DARS2: variants seen among roughly 807,000 people sequenced by gnomAD.
DARS2 encodes the protein aspartyl-tRNA synthetase 2, mitochondrial.
A neutral mutation model predicts 83.0 loss-of-function variants in DARS2; 63 were observed. That is an observed-to-expected ratio of 0.76 (90% CI 0.62 to 0.94). The LOEUF (loss-of-function observed/expected upper bound fraction) is 0.94, where lower values mean the gene tolerates loss of function less well. DARS2 is among the 40% of genes least tolerant of loss of function. The pLI, the probability that DARS2 is intolerant of heterozygous loss-of-function variation, is 0.00. For synonymous variants in DARS2, 250 were observed against 269.3 expected (o/e 0.93, Z 0.70); for missense variants, 675 against 774.4 (o/e 0.87, Z 1.52).
In DARS2 at chr1:173,857,991, G is replaced by C; in HGVS notation, c.*286G>C. 1 of 412,322 alleles carries C rather than the reference G, an allele frequency of 2.4e-6. No individual in the cohort carries two copies. The highest frequency in any genetic ancestry group is 2.2e-5 in the South Asian group (1 of 45,452). 25.5% of individuals were successfully genotyped at this position (412,322 alleles called of 1,614,324 possible). Reference sequence around the variant, plus strand: ...TGTTGAAATAATATAGTGGTTTAGTGTTTTCAAATCATGTTTCTCATACCC... The same window carrying C: ...TGTTGAAATAATATAGTGGTTTAGTCTTTTCAAATCATGTTTCTCATACCC... On this transcript the variant is annotated 3_prime_UTR_variant, in exon 17 of 17. Coordinates refer to ENST00000649689, the MANE Select transcript of DARS2 (RefSeq NM_018122.5).
chr1:173,852,286 T>G (rs1335008340), intron 13 of DARS2: 10 of 980,540 alleles, frequency 1.0e-5, no homozygotes, highest in African/African-American at 1.8e-5. Context: ...AAGCACTTAG[T>G]ATTTGCCAAG....
In DARS2 at chr1:173,842,317, T is replaced by TTTTTTTTG. The variant is rs1304745729; in HGVS notation, c.1128+1344_1128+1345insTTTTTTTG. On this transcript the variant is annotated intron_variant, in intron 11 of 16. Transcript: ENST00000649689. ...TTTTTTTTTTTTTTTTTTTTTTTTT[T>TTTTTTTTG]AGAGTGAGTCTTGCTCTGTCGCCCA... is the stretch of plus-strand genomic sequence containing the variant. Among the ~76,000 whole-genome samples, 168 of 116,618 alleles carry TTTTTTTTG rather than the reference T, an allele frequency of 1.4e-3. 20 individuals carry two copies. Among genetic ancestry groups the TTTTTTTTG allele is most frequent in the African/African-American group, 6.5e-3 (153 of 23,530 alleles). The allele number at this position is 116,618 out of a possible 152,430, so 76.5% of individuals were successfully genotyped here. A position where few individuals can be genotyped will look rare whatever the true frequency, so the allele number is the denominator to read the frequency against.
At chr1:173,830,814 A>T in intron 4 of DARS2, 53 bp downstream of exon 4, 1 of 1,341,282 alleles carries the variant, frequency 7.5e-7, no homozygotes. Flanking sequence ...CATTTGCACC[A>T]TCTGTGTACA....
chr1:173,842,807 G>A (rs548990643), intron 11 of DARS2, among the ~76,000 whole-genome samples: 104 of 151,500 alleles, frequency 6.9e-4, no homozygotes, highest in African/African-American at 2.5e-3. Flanking sequence ...GCATTGTGGT[G>A]GGTGCCTGTA....
At chr1:173,843,363 A>T (rs1323287299) in intron 11 of DARS2, among the ~76,000 whole-genome samples, 1 of 152,170 alleles carries the variant, frequency 6.6e-6, no homozygotes, top group African/African-American at 2.4e-5. Context: ...GTTCAAGACC[A>T]GCCTGGCCAA....
At chr1:173,834,770 GTTTTTTTTTTTGT>G (rs1652936205) in intron 7 of DARS2, among the ~76,000 whole-genome samples, 2 of 31,136 alleles carry the variant, frequency 6.4e-5, no homozygotes, top group Non-Finnish European at 1.1e-4. Flanking sequence ...TTTGTTTTGG[GTTTTTTTTTTTGT>G]TTTTTTTTTT....
In DARS2 at chr1:173,830,840, TGACTG is replaced by T; in HGVS notation, c.396+83_396+87del. On this transcript the variant is annotated intron_variant, in intron 4 of 16. Transcript: ENST00000649689. ...TCTGTGTACACATTCTGGCAACACA[TGACTG>T]GACATTAGGCACTAAAGTTGAATAA... The T allele has an allele frequency of 2.2e-5, 23 of 1,042,142 alleles. 1 individual carries two copies. In the South Asian group the frequency reaches 2.9e-4, roughly 13 times the overall value. 64.6% of individuals were successfully genotyped at this position (1,042,142 alleles called of 1,614,324 possible).
At position 173,833,471 on chromosome 1, in the gene DARS2, A is replaced by T; in HGVS notation, c.588A>T (p.Lys196Asn). The T allele has an allele frequency of 6.2e-7, 1 of 1,614,174 alleles. No homozygotes were observed. The highest frequency in any genetic ancestry group is 1.1e-5 in the South Asian group (1 of 91,082). Residue 196 changes from lysine to asparagine, a missense_variant, in exon 6 of 17, where the codon AAA (lysine) becomes AAT (asparagine). Transcript: ENST00000649689. ...GACTGAGGTCCCAGATGGTCATGAA[A>T]ATGCGGGAATATCTCTGTAATCTGC... is the stretch of plus-strand genomic sequence containing the variant. Reference protein sequence around the residue: ...NLRLRSQMVMKMREYLCNLHG... With the variant: ...NLRLRSQMVMNMREYLCNLHG...
At chr1:173,829,725 T>C (rs1321557749) in intron 3 of DARS2, among the ~76,000 whole-genome samples, 3 of 151,830 alleles carry the variant, frequency 2.0e-5, no homozygotes, top group African/African-American at 7.3e-5. Context: ...CTGACCAACA[T>C]GGTGAAACCC....
chr1:173,834,921 G>A (rs1222661409), intron 7 of DARS2, among the ~76,000 whole-genome samples: 5 of 150,892 alleles, frequency 3.3e-5, no homozygotes, highest in African/African-American at 1.2e-4. Context: ...TGGGATTACA[G>A]GCATGCACCA....
At chr1:173,836,556 A>C (rs1653013974) in intron 7 of DARS2, among the ~76,000 whole-genome samples, 2 of 152,056 alleles carry the variant, frequency 1.3e-5, no homozygotes, top group African/African-American at 4.8e-5. Context: ...AAAAAAAAAA[A>C]AGACATTTCT....
At chr1:173,840,341 C>T (rs1291048768) in intron 10 of DARS2, among the ~76,000 whole-genome samples, 24 of 152,284 alleles carry the variant, frequency 1.6e-4, no homozygotes, top group South Asian at 2.1e-4. Context: ...TGGGTTCAAG[C>T]GATTCTCCTG....
chr1:173,826,805 T>C lies in DARS2; in HGVS notation c.227+19T>C. 6.5e-7 allele frequency: 1 copy of C among 1,541,300 alleles called. No individual in the cohort carries two copies. The highest frequency in any genetic ancestry group is 9.0e-7 in the Non-Finnish European group (1 of 1,113,652). On this transcript the variant is annotated intron_variant, in intron 2 of 16. Coordinates refer to ENST00000649689, the MANE Select transcript of DARS2 (RefSeq NM_018122.5). ...ACCGAAGGTAAATTGAGAAAGACAG[T>C]CTAAGAATGCATGGTGGTGGTTTTC... is the stretch of plus-strand genomic sequence containing the variant.
intron 8 of DARS2, among the ~76,000 whole-genome samples, chr1:173,837,932 G>A (rs941620450): frequency 6.6e-6 from 1 of 151,938 alleles, no homozygotes; most frequent in Non-Finnish European, 1.5e-5. Flanking sequence ...CGCCACCCAC[G>A]CCCAGCTAAT....
At chr1:173,829,758 A>G (rs1052651520) in intron 3 of DARS2, among the ~76,000 whole-genome samples, 9 of 152,058 alleles carry the variant, frequency 5.9e-5, no homozygotes, top group African/African-American at 2.2e-4. Context: ...AAATACAAAA[A>G]TTTAGCCGGG....
At chr1:173,852,696 G>C (rs1433580338) in intron 13 of DARS2, among the ~76,000 whole-genome samples, 2 of 151,924 alleles carry the variant, frequency 1.3e-5, no homozygotes, top group African/African-American at 4.8e-5. Context: ...GTAGTGACGG[G>C]GTTTCACCAT....
At position 173,831,524 on chromosome 1, in the gene DARS2, C is replaced by A; in HGVS notation, c.397-11C>A. The A allele has an allele frequency of 1.2e-6, 2 of 1,600,980 alleles. No individual in the cohort carries two copies. The highest frequency in any genetic ancestry group is 2.2e-5 in the South Asian group (2 of 90,828). ...AGTAATTTTTAAAACCCTTCCTTCT[C>A]ACTCTCCAAGAAAATGCCAACAGGT... On this transcript the variant is annotated splice_polypyrimidine_tract_variant and intron_variant, in intron 4 of 16. Transcript: ENST00000649689.
At chr1:173,840,773 A>G (rs1653172932) in intron 10 of DARS2, 93 bp from the exon 11 acceptor site, 4 of 754,502 alleles carry the variant, frequency 5.3e-6, no homozygotes, top group Non-Finnish European at 9.4e-6. Flanking sequence ...AATTATCAAG[A>G]TCTATTCTCT....
At position 173,857,926 on chromosome 1, in the gene DARS2, T is replaced by C. The variant is rs760958796; in HGVS notation, c.*221T>C. The C allele has an allele frequency of 1.4e-5, 8 of 563,316 alleles. No individual in the cohort carries two copies. Among genetic ancestry groups the C allele is most frequent in the Non-Finnish European group, 1.9e-5 (6 of 316,530 alleles). 34.9% of individuals were successfully genotyped at this position (563,316 alleles called of 1,614,324 possible). ...TGGATTTTTTTTGGTTAGGACTTTT[T>C]TTGAAGTTCCTTTTTACTTAGGTGT... On this transcript the variant is annotated 3_prime_UTR_variant, in exon 17 of 17. Coordinates refer to ENST00000649689, the MANE Select transcript of DARS2 (RefSeq NM_018122.5).
Sources: allele counts gnomAD v4.1 joint callset (sites outside exome capture counted in the v4.1 genomes callset), GRCh38; gene constraint gnomAD v4.1.1; transcripts MANE v1.5; gene names NCBI Gene and HGNC (gene_info 2026-07-23, HGNC 2026-07-21).